Variants in EDNRA observed in about 807,000 individuals in gnomAD.
EDNRA encodes the protein endothelin-1 receptor.
Under a neutral mutation model 41.4 loss-of-function variants are expected in EDNRA, and 11 were observed. The ratio of observed to expected loss-of-function variants is 0.27; its 90% CI spans 0.17 to 0.44. EDNRA has a LOEUF of 0.44. Among genes scored for constraint, EDNRA ranks in the 20% least tolerant of loss-of-function variants. The pLI is 1.00. For synonymous variants in EDNRA, 172 were observed against 183.0 expected, an observed-to-expected ratio of 0.94 and a Z score of 0.49; for missense variants, 294 against 531.0, an observed-to-expected ratio of 0.55 and a Z score of 4.39.
chr4:147,540,047 C>A (rs1731046652), intron 6 of EDNRA, 97 bp downstream of exon 6: 4 of 1,477,248 alleles, frequency 2.7e-6, no homozygotes, highest in Non-Finnish European at 3.6e-6. Flanking sequence ...CCCGTTAGCC[C>A]TGAAAATTAA....
At chr4:147,500,428 C>G (rs1729476526) in intron 2 of EDNRA, among the ~76,000 whole-genome samples, 2 of 152,156 alleles carry the variant, frequency 1.3e-5, no homozygotes, top group African/African-American at 4.8e-5. Flanking sequence ...TTTTTCCAAA[C>G]TGTTAGCAGT....
At chr4:147,506,121 A>G (rs1729707876) in intron 2 of EDNRA, 2 of 526,790 alleles carry the variant, frequency 3.8e-6, no homozygotes. Flanking sequence ...GCAATGAGCT[A>G]AAGCCCCTGG....
intron 3 of EDNRA, among the ~76,000 whole-genome samples, chr4:147,527,003 A>G (rs1730578573): frequency 6.6e-6 from 1 of 152,236 alleles, no homozygotes; most frequent in Non-Finnish European, 1.5e-5. Flanking sequence ...ATATGGTATG[A>G]GAGATATAAA....
At chr4:147,524,257 T>C (rs1730449554) in intron 3 of EDNRA, among the ~76,000 whole-genome samples, 1 of 152,104 alleles carries the variant, frequency 6.6e-6, no homozygotes, top group Admixed American at 6.5e-5. Flanking sequence ...CTGCCTCCTC[T>C]TTCTTCCTTG....
chr4:147,522,543 C>CAAA, intron 3 of EDNRA, among the ~76,000 whole-genome samples: 1 of 122,070 alleles, frequency 8.2e-6, no homozygotes. Context: ...GACTCTGTCT[C>CAAA]AAAAAAAAAA....
intron 2 of EDNRA, among the ~76,000 whole-genome samples, chr4:147,503,061 T>C (rs755093072): frequency 2.6e-5 from 4 of 152,190 alleles, no homozygotes; most frequent in Non-Finnish European, 5.9e-5. Context: ...TTGTTCAGCC[T>C]TGAGTTTGTT....
intron 2 of EDNRA, among the ~76,000 whole-genome samples, chr4:147,505,326 C>CTT (rs1729660192): frequency 2.9e-4 from 24 of 81,994 alleles, no homozygotes; most frequent in African/African-American, 1.1e-3. Flanking sequence ...TTTCTTTTTT[C>CTT]ATTTTTTTTT....
rs77530100 is a variant in EDNRA at position 147,517,311 on chromosome 4, C to A, written c.421-2540C>A. 9.9e-3 allele frequency among the ~76,000 whole-genome samples: 1,511 copies of A among 152,274 alleles called. 24 individuals are homozygous for A. The highest frequency in any genetic ancestry group is 0.035 in the African/African-American group (1,449 of 41,546). ...GAGGACTCCTGCTCCTGCTCTTGCTCCAGCAGAGCAAGCTGAAAGGACACT... is the reference window on the plus strand; with the variant it reads ...GAGGACTCCTGCTCCTGCTCTTGCTACAGCAGAGCAAGCTGAAAGGACACT... On this transcript the variant is annotated intron_variant, in intron 2 of 7. Transcript: ENST00000651419.
intron 1 of EDNRA, among the ~76,000 whole-genome samples, chr4:147,483,773 G>A (rs1194758966): frequency 6.7e-6 from 1 of 149,554 alleles, no homozygotes; most frequent in Admixed American, 6.7e-5. Context: ...AGGATGGAGT[G>A]CAGTGACTCG....
At chr4:147,495,606 T>C (rs1391626704) in intron 2 of EDNRA, 1 of 152,058 alleles carries the variant, frequency 6.6e-6, no homozygotes, top group African/African-American at 2.4e-5. Context: ...AGAGGAAAGA[T>C]TGAGTTATTT....
At chr4:147,540,084 G>A in intron 6 of EDNRA, 134 bp downstream of exon 6, 1 of 1,260,136 alleles carries the variant, frequency 7.9e-7, no homozygotes, top group East Asian at 2.4e-5. Context: ...TTTTTCTTTA[G>A]CTGACATAGC....
Position 147,540,428 on chromosome 4 carries a change from A to G in EDNRA, c.1086A>G (p.Ser362=). ...YIGINLATMN[S]CINPIALYFV... ...GTATTAACTTGGCAACCATGAATTC[A>G]TGTATAAACCCCATAGCTCTGTATT... is the stretch of plus-strand genomic sequence containing the variant. Residue 362 remains serine (S), a synonymous_variant, in exon 7 of 8, where the codon TCA becomes TCG. Transcript: ENST00000651419. The G allele has an allele frequency of 6.2e-7, 1 of 1,613,870 alleles. No individual in the cohort carries two copies. The highest frequency in any genetic ancestry group is 8.5e-7 in the Non-Finnish European group (1 of 1,179,930).
intron 3 of EDNRA, among the ~76,000 whole-genome samples, chr4:147,530,152 A>G (rs1730696844): frequency 2.0e-5 from 3 of 152,216 alleles, no homozygotes; most frequent in Non-Finnish European, 4.4e-5. Flanking sequence ...ACCACATTTT[A>G]TTCCTTAAGC....
chr4:147,508,147 T>G (rs1169800239), intron 2 of EDNRA, among the ~76,000 whole-genome samples: 1 of 152,198 alleles, frequency 6.6e-6, no homozygotes, highest in African/African-American at 2.4e-5. Flanking sequence ...ATTTATTTAT[T>G]TTTTTGTTTG....
At chr4:147,510,808 G>A (rs1313807354) in intron 2 of EDNRA, among the ~76,000 whole-genome samples, 1 of 152,192 alleles carries the variant, frequency 6.6e-6, no homozygotes, top group East Asian at 1.9e-4. Context: ...TCTTTCACGG[G>A]AAGAATGAAA....
At chr4:147,496,896 C>A (rs1281556205) in intron 2 of EDNRA, among the ~76,000 whole-genome samples, 1 of 152,102 alleles carries the variant, frequency 6.6e-6, no homozygotes, top group African/African-American at 2.4e-5. Flanking sequence ...TGTGGACATT[C>A]TCCTATGCAT....
chr4:147,490,810 C>G (rs1293747078), intron 2 of EDNRA: 1 of 152,184 alleles, frequency 6.6e-6, no homozygotes, highest in Non-Finnish European at 1.5e-5. Flanking sequence ...TGAGCCAAGG[C>G]TTGGCACCAT....
rs1728963873 is a variant in EDNRA, at chr4:147,486,855, A to G, written c.420+754A>G. The stretch of plus-strand genomic sequence containing the variant: ...AGTGCCTCAGTGTGAGAGGAAGATA[A>G]CTAACCTTGCTTACAGACTGTATTA... On this transcript the variant is annotated intron_variant, in intron 2 of 7. Transcript: ENST00000651419. This position sits in a 1 kb window ranked among gnomAD's most constrained non-coding sequence, Gnocchi z 4.3. 2.0e-5 allele frequency among the ~76,000 whole-genome samples: 3 copies of G among 151,958 alleles called. No individual in the cohort carries two copies. The highest frequency in any genetic ancestry group is 7.3e-5 in the African/African-American group (3 of 41,332).
chr4:147,539,943 T>C lies in EDNRA; in HGVS notation c.1027T>C (p.Leu343=). Residue 343 remains leucine, a synonymous_variant, in exon 6 of 8, where the codon TTA becomes CTA. Coordinates refer to ENST00000651419, the MANE Select transcript of EDNRA (RefSeq NM_001957.4). The stretch of plus-strand genomic sequence containing the variant: ...CGAGATGGACAAGAACCGATGTGAA[T>C]TACTTAGGTATGATCCTGTGTACTC... ...YNEMDKNRCE[L]LSFLLLMDYI... is the part of the protein sequence containing the mutation. 1 of 1,607,004 alleles carries C rather than the reference T, an allele frequency of 6.2e-7. No individual in the cohort carries two copies. The highest frequency in any genetic ancestry group is 8.5e-7 in the Non-Finnish European group (1 of 1,178,382).
Sources: allele counts gnomAD v4.1 joint callset (sites outside exome capture counted in the v4.1 genomes callset), GRCh38; gene constraint gnomAD v4.1.1; non-coding constraint Gnocchi (gnomAD v3.1); transcripts MANE v1.5; gene names NCBI Gene and HGNC (gene_info 2026-07-23, HGNC 2026-07-21).